ASTN2: variants seen among roughly 807,000 people sequenced by gnomAD.
ASTN2 encodes astrotactin-2.
Under a neutral mutation model 139.8 loss-of-function variants are expected in ASTN2, and 54 were observed. That is an observed-to-expected ratio of 0.39 (90% CI 0.31 to 0.48). The LOEUF is 0.48. ASTN2 is among the 20% of genes least tolerant of loss of function. ASTN2 has a pLI of 0.95. For missense variants in ASTN2, 1,565 were observed against 1,725.1 expected, an observed-to-expected ratio of 0.91 and a Z score of 1.64; for synonymous variants, 756 against 719.5, an observed-to-expected ratio of 1.05 and a Z score of -0.81.
intron 3 of ASTN2, among the ~76,000 whole-genome samples, chr9:117,187,094 A>G (rs1296228451): frequency 2.0e-5 from 3 of 152,204 alleles, no homozygotes; most frequent in African/African-American, 7.2e-5. Context: ...GTGCCACTGC[A>G]CTCCAGCCTG....
chr9:116,759,181 A>G (rs1829610813), intron 13 of ASTN2, among the ~76,000 whole-genome samples: 1 of 152,184 alleles, frequency 6.6e-6, no homozygotes, highest in African/African-American at 2.4e-5. Flanking sequence ...TGGTTGGCCC[A>G]TGGCATTCTT....
intron 19 of ASTN2, among the ~76,000 whole-genome samples, chr9:116,538,517 C>T (rs575365025): frequency 1.3e-5 from 2 of 152,260 alleles, no homozygotes; most frequent in African/African-American, 4.8e-5. Context: ...GAAGGGGACT[C>T]TTGCTCTAGT....
At chr9:116,626,180 TTTTTTG>T (rs1856452625) in intron 17 of ASTN2, among the ~76,000 whole-genome samples, 1 of 135,734 alleles carries the variant, frequency 7.4e-6, no homozygotes, top group Non-Finnish European at 1.6e-5. Context: ...TTTTTTTTTT[TTTTTTG>T]GTAGAGACAC....
In ASTN2 at chr9:116,644,296, C is replaced by T. The variant is rs1857484306; in HGVS notation, c.3072+7232G>A. Among the ~76,000 whole-genome samples the T allele has an allele frequency of 2.0e-5, 3 of 152,252 alleles. No homozygotes were observed. The South Asian group carries it at 6.2e-4, about 32-fold the overall frequency. On this transcript the variant is annotated intron_variant, in intron 17 of 22. Transcript: ENST00000313400. ...GCTGGAAGGTCAGACAACCACAAGA[C>T]TAGAATTACACATGACTCTTCCTAG...
chr9:117,018,483 G>C (rs1312438313), intron 6 of ASTN2, among the ~76,000 whole-genome samples: 1 of 152,092 alleles, frequency 6.6e-6, no homozygotes, highest in African/African-American at 2.4e-5. Flanking sequence ...GACCAAATTA[G>C]GCATAGGCAC....
chr9:117,389,429 A>G (rs1387090154), intron 1 of ASTN2, among the ~76,000 whole-genome samples: 1 of 152,208 alleles, frequency 6.6e-6, no homozygotes, highest in Non-Finnish European at 1.5e-5. Context: ...ACTTAAACTC[A>G]GGACTCAGGC....
chr9:117,323,094 T>A (rs2130834549), intron 1 of ASTN2, among the ~76,000 whole-genome samples: 1 of 152,298 alleles, frequency 6.6e-6, no homozygotes, highest in South Asian at 2.1e-4. Flanking sequence ...TTGACAGTCC[T>A]GGGGTCTGAA....
rs540030351 is a variant in ASTN2, at chr9:116,896,150, G to A, written c.1890-32417C>T. On this transcript the variant is annotated intron_variant, in intron 10 of 22. Transcript: ENST00000313400. ...GATGAAATCTTGGATTGAGTTCTATGAGAGCTGACCCAGAGCTAAGGAATG... is the reference window on the plus strand; with the variant it reads ...GATGAAATCTTGGATTGAGTTCTATAAGAGCTGACCCAGAGCTAAGGAATG... 1.2e-4 allele frequency among the ~76,000 whole-genome samples: 19 copies of A among 152,264 alleles called. No homozygotes were observed. The East Asian group carries it at 3.7e-3, about 29-fold the overall frequency.
chr9:116,742,587 A>T (rs1370197534), intron 13 of ASTN2, among the ~76,000 whole-genome samples: 4 of 152,074 alleles, frequency 2.6e-5, no homozygotes, highest in Non-Finnish European at 5.9e-5. Flanking sequence ...TAGACTCAGG[A>T]TATAGTCTGG....
chr9:116,672,111 T>C (rs1342239722), intron 16 of ASTN2, among the ~76,000 whole-genome samples: 2 of 152,176 alleles, frequency 1.3e-5, no homozygotes, highest in African/African-American at 2.4e-5. Flanking sequence ...CAGTGACTCA[T>C]ACCTGTAATC....
chr9:117,023,842 G>C (rs1293724962), intron 6 of ASTN2, among the ~76,000 whole-genome samples: 2 of 152,108 alleles, frequency 1.3e-5, no homozygotes, highest in African/African-American at 4.8e-5. Context: ...TTTCCGGAAG[G>C]AGAGAAGGAT....
At position 116,733,531 on chromosome 9, in the gene ASTN2, G is replaced by A. The variant is rs760024798; in HGVS notation, c.2397-8C>T. The A allele has an allele frequency of 2.5e-6, 4 of 1,613,988 alleles. 1 individual carries two copies. Among genetic ancestry groups the A allele is most frequent in the Middle Eastern group, 1.6e-4 (1 of 6,084 alleles). On this transcript the variant is annotated splice_polypyrimidine_tract_variant and splice_region_variant and intron_variant, in intron 13 of 22. Transcript: ENST00000313400. ...TTGATGAAGTTGTTCTCCCTGTGGA[G>A]AGGAGCAGAGAGACTGCCAAATCGA...
chr9:116,425,799 T>G lies in ASTN2; in HGVS notation c.*52A>C. 6.7e-7 allele frequency: 1 copy of G among 1,496,394 alleles called. No individual in the cohort carries two copies. Among genetic ancestry groups the G allele is most frequent in the East Asian group, 2.7e-5 (1 of 36,878 alleles). The allele number at this position is 1,496,394 out of a possible 1,614,324, so 92.7% of individuals were successfully genotyped here. On this transcript the variant is annotated 3_prime_UTR_variant, in exon 23 of 23. Transcript: ENST00000313400. Reference sequence around the variant, plus strand: ...CAGGCCCCAGGATCCAGGAGAATACTGCTCCCCCTCCCATGGAGAGTCTCT... The same window carrying G: ...CAGGCCCCAGGATCCAGGAGAATACGGCTCCCCCTCCCATGGAGAGTCTCT...
intron 20 of ASTN2, among the ~76,000 whole-genome samples, chr9:116,445,395 G>A (rs1033622236): frequency 2.0e-5 from 3 of 152,156 alleles, no homozygotes; most frequent in Non-Finnish European, 4.4e-5. Flanking sequence ...TTTCAACCAA[G>A]GGAAACATGG....
chr9:116,505,867 G>A (rs184556376), intron 19 of ASTN2, among the ~76,000 whole-genome samples: 10 of 152,254 alleles, frequency 6.6e-5, no homozygotes, highest in Admixed American at 1.3e-4. Context: ...TCAGTCTGGA[G>A]CAGTCTACAT....
chr9:117,274,907 A>G (rs1685698148), intron 2 of ASTN2, among the ~76,000 whole-genome samples: 5 of 152,226 alleles, frequency 3.3e-5, no homozygotes, highest in Admixed American at 2.6e-4. Context: ...TAATACAGTC[A>G]CGTTAGGGGT....
intron 10 of ASTN2, among the ~76,000 whole-genome samples, chr9:116,898,503 A>G (rs1338785221): frequency 1.3e-5 from 2 of 152,032 alleles, no homozygotes; most frequent in African/African-American, 2.4e-5. Context: ...TCACTTCTTC[A>G]GTTCCAAGAT....
chr9:117,340,361 A>G (rs910628350), intron 1 of ASTN2, among the ~76,000 whole-genome samples: 2 of 136,974 alleles, frequency 1.5e-5, no homozygotes, highest in African/African-American at 5.6e-5. Flanking sequence ...AAAAAAAAAA[A>G]GTGTCATGGA....
intron 19 of ASTN2, among the ~76,000 whole-genome samples, chr9:116,495,632 T>A (rs1849645079): frequency 1.3e-5 from 2 of 152,218 alleles, no homozygotes; most frequent in South Asian, 4.1e-4. Flanking sequence ...ATACAAATCC[T>A]ATGAGGTATG....
Sources: gnomAD v4.1 joint callset for allele counts (sites outside exome capture counted in the v4.1 genomes callset) on GRCh38, gnomAD v4.1.1 for gene constraint, MANE v1.5 for transcripts, NCBI Gene and HGNC (gene_info 2026-07-23, HGNC 2026-07-21) for gene names.